Variants in GALNT13 observed in about 807,000 individuals in gnomAD.
GALNT13 encodes UDP-GalNAc:polypeptide N-acetylgalactosaminyltransferase 13.
A neutral mutation model predicts 64.2 loss-of-function variants in GALNT13; 28 were observed. The ratio of observed to expected loss-of-function variants is 0.44; its 90% confidence interval spans 0.32 to 0.60. The LOEUF (loss-of-function observed/expected upper bound fraction) is 0.60. Among genes scored for constraint, GALNT13 ranks in the 20% least tolerant of loss-of-function variants. GALNT13 has a pLI of 0.05. For synonymous variants in GALNT13, 214 were observed against 224.6 expected (o/e 0.95, Z 0.42); for missense variants, 577 against 669.8 (o/e 0.86, Z 1.53).
At chr2:153,548,040 G>C in the GALNT13 span, among the ~76,000 whole-genome samples, 2 of 152,146 alleles carry the variant, frequency 1.3e-5, no homozygotes, top group Non-Finnish European at 2.9e-5. Context: ...ATTATTTAAT[G>C]TCCATATTCT....
intron 2 of GALNT13, among the ~76,000 whole-genome samples, chr2:153,931,140 T>C (rs1051723628): frequency 6.6e-6 from 1 of 150,436 alleles, no homozygotes; most frequent in East Asian, 2.0e-4. Context: ...GATTTAGATC[T>C]CAGCTCTGAC....
At chr2:153,442,673 C>T in the GALNT13 span, among the ~76,000 whole-genome samples, 2 of 152,016 alleles carry the variant, frequency 1.3e-5, no homozygotes, top group Non-Finnish European at 2.9e-5. Flanking sequence ...GTGCTCTGTC[C>T]CAGGGAGATG....
At chr2:154,025,163 C>G (rs1697858614) in intron 3 of GALNT13, among the ~76,000 whole-genome samples, 1 of 152,132 alleles carries the variant, frequency 6.6e-6, no homozygotes, top group Admixed American at 6.6e-5. Flanking sequence ...AGGAGGCAGT[C>G]TGCCCATTCT....
the GALNT13 span, among the ~76,000 whole-genome samples, chr2:153,201,095 A>T: frequency 6.6e-6 from 1 of 152,142 alleles, no homozygotes; most frequent in African/African-American, 2.4e-5. Flanking sequence ...GGTTTCTCTG[A>T]TTCTGTTGAT....
the GALNT13 span, among the ~76,000 whole-genome samples, chr2:153,591,668 TA>T: frequency 6.6e-6 from 1 of 151,960 alleles, no homozygotes; most frequent in Non-Finnish European, 1.5e-5. Context: ...TCTCACCATA[TA>T]CAAAAATCAA....
At chr2:154,225,562 A>G (rs1489166018) in intron 4 of GALNT13, among the ~76,000 whole-genome samples, 2 of 152,134 alleles carry the variant, frequency 1.3e-5, no homozygotes, top group Non-Finnish European at 2.9e-5. Flanking sequence ...ATGTTAAAGG[A>G]AATAGTTATC....
At chr2:154,401,011 A>AC (rs1295861386) in intron 10 of GALNT13, among the ~76,000 whole-genome samples, 2 of 152,154 alleles carry the variant, frequency 1.3e-5, no homozygotes, top group African/African-American at 4.8e-5. Context: ...GAGCCAAGTG[A>AC]CAACTCTTGG....
chr2:153,716,643 C>T, the GALNT13 span, among the ~76,000 whole-genome samples: 2 of 152,094 alleles, frequency 1.3e-5, no homozygotes, highest in South Asian at 2.1e-4. Flanking sequence ...TATAGTCTTG[C>T]ATTTAGGGGT....
the GALNT13 span, among the ~76,000 whole-genome samples, chr2:153,630,783 ATATATATATATATATATATATATAT>A: frequency 9.5e-4 from 9 of 9,482 alleles, no homozygotes; most frequent in African/African-American, 2.1e-3. Context: ...ATATATATAT[ATATATATATATATATATATATATAT>A]TTTTTTTTTT....
At chr2:153,505,137 T>G in the GALNT13 span, among the ~76,000 whole-genome samples, 1 of 152,192 alleles carries the variant, frequency 6.6e-6, no homozygotes, top group Non-Finnish European at 1.5e-5. Flanking sequence ...AATCTGTCCA[T>G]CTCATTTAGG....
At chr2:153,226,402 TA>T in the GALNT13 span, among the ~76,000 whole-genome samples, 3 of 152,050 alleles carry the variant, frequency 2.0e-5, no homozygotes, top group East Asian at 3.9e-4. Flanking sequence ...TATGGAAAGA[TA>T]AAAAAAATGT....
At chr2:153,919,170 A>C (rs941686546) in intron 2 of GALNT13, among the ~76,000 whole-genome samples, 1 of 152,042 alleles carries the variant, frequency 6.6e-6, no homozygotes, top group African/African-American at 2.4e-5. Flanking sequence ...CTTAAAATAC[A>C]TATTCTACAA....
At chr2:153,440,313 G>A in the GALNT13 span, among the ~76,000 whole-genome samples, 9 of 152,286 alleles carry the variant, frequency 5.9e-5, no homozygotes, top group East Asian at 1.9e-4. Flanking sequence ...GTATTCCGTC[G>A]TGTATATGTG....
chr2:153,488,804 A>T, the GALNT13 span, among the ~76,000 whole-genome samples: 1 of 152,188 alleles, frequency 6.6e-6, no homozygotes, highest in Non-Finnish European at 1.5e-5. Flanking sequence ...TACAATTAAG[A>T]GGTGAGGCCC....
the GALNT13 span, among the ~76,000 whole-genome samples, chr2:153,245,030 T>C: frequency 5.3e-5 from 8 of 152,094 alleles, no homozygotes; most frequent in Non-Finnish European, 1.2e-4. Context: ...TGGGCAGAAT[T>C]TGTGTGGCAA....
chr2:153,138,662 T>C, the GALNT13 span, among the ~76,000 whole-genome samples: 1 of 152,102 alleles, frequency 6.6e-6, no homozygotes, highest in Non-Finnish European at 1.5e-5. Flanking sequence ...GTTAGCATCA[T>C]CTAGATTTTA....
At chr2:153,526,934 G>A in the GALNT13 span, among the ~76,000 whole-genome samples, 2 of 152,044 alleles carry the variant, frequency 1.3e-5, no homozygotes, top group Non-Finnish European at 2.9e-5. Flanking sequence ...TTTATTAGCA[G>A]AACTGAGCAG....
intron 3 of GALNT13, among the ~76,000 whole-genome samples, chr2:154,089,163 CT>C (rs1701675853): frequency 6.6e-6 from 1 of 152,032 alleles, no homozygotes. Flanking sequence ...AAGTGAGTTC[CT>C]TTCAGGAGAG....
At chr2:154,179,296 T>G (rs907088404) in intron 4 of GALNT13, among the ~76,000 whole-genome samples, 3 of 152,150 alleles carry the variant, frequency 2.0e-5, no homozygotes, top group Non-Finnish European at 4.4e-5. Context: ...TTTCCTAGCA[T>G]ATAGTAAATA....
Sources: allele counts gnomAD v4.1 joint callset (sites outside exome capture counted in the v4.1 genomes callset), GRCh38; gene constraint gnomAD v4.1.1; transcripts MANE v1.5; gene names NCBI Gene and HGNC (gene_info 2026-07-23, HGNC 2026-07-21).